EFHB: variants seen among roughly 807,000 people sequenced by gnomAD.
The protein encoded by EFHB is EF-hand domain family member B, also known as EF-hand domain-containing family member B.
EFHB carries 91 observed loss-of-function variants against 87.2 expected under a neutral mutation model. That is an observed-to-expected ratio of 1.04 (90% CI 0.88 to 1.24). EFHB has a LOEUF of 1.24. Ranked by LOEUF, EFHB falls within the 50% of genes most tolerant of loss-of-function variation. The pLI is 0.00. For synonymous variants in EFHB, 325 were observed against 333.6 expected (o/e 0.97, Z 0.28); for missense variants, 1,084 against 998.8 (o/e 1.09, Z -1.15).
At chr3:19,901,015 G>A (rs1310487558) in intron 6 of EFHB, among the ~76,000 whole-genome samples, 3 of 152,056 alleles carry the variant, frequency 2.0e-5, no homozygotes, top group Non-Finnish European at 4.4e-5. Context: ...GAATCAAAAT[G>A]TTCAGTTGTG....
In EFHB at chr3:19,915,377, G is replaced by T. The variant is rs989686377; in HGVS notation, c.1214C>A (p.Ser405Tyr). Residue 405 changes from serine (S) to tyrosine (Y), a missense_variant, in exon 5 of 13, where the codon TCC becomes TAC. By Grantham distance (144) the Ser-to-Tyr change is moderately radical. Transcript: ENST00000295824. ...TCCTTCTTTAAATACTTCTTCATAG[G>T]ATTTTGGTGGATTCACCACATCTTT... ...SAKDVVNPPK[S>Y]YEEVFKEGNE... The T allele has an allele frequency of 3.1e-6, 5 of 1,612,392 alleles. No homozygotes were observed. The African/African-American group carries it at 6.7e-5, about 22-fold the overall frequency.
upstream of EFHB, chr3:19,934,313 C>A: frequency 8.1e-7 from 1 of 1,236,242 alleles, no homozygotes; most frequent in Non-Finnish European, 1.0e-6. Flanking sequence ...CTCTCTCTCT[C>A]TCAATCTCTC....
chr3:19,934,319 C>G (rs1695951055), upstream of EFHB: 3 of 1,031,892 alleles, frequency 2.9e-6, no homozygotes, highest in South Asian at 7.4e-5. Context: ...CTCTCTCAAT[C>G]TCTCTCTCTC....
chr3:19,915,534 C>A, intron 4 of EFHB, 121 bp from the exon 5 acceptor site: 2 of 614,288 alleles, frequency 3.3e-6, no homozygotes, highest in South Asian at 2.2e-5. Flanking sequence ...ATAGACATCC[C>A]GAGAGATCAC....
intron 1 of EFHB, among the ~76,000 whole-genome samples, chr3:19,926,919 C>G (rs1695652005): frequency 6.6e-6 from 1 of 152,112 alleles, no homozygotes. Flanking sequence ...CTCGGCCTCC[C>G]AAAGTGCTGG....
chr3:19,882,830 G>T, intron 11 of EFHB, 99 bp from the exon 12 acceptor site: 1 of 1,085,308 alleles, frequency 9.2e-7, no homozygotes, highest in Non-Finnish European at 1.2e-6. Flanking sequence ...TTAAAATGTA[G>T]CTAGGAAGAA....
In EFHB at chr3:19,908,527, C is replaced by A. The variant is rs553397740; in HGVS notation, c.1289-2778G>T. 3.9e-4 allele frequency among the ~76,000 whole-genome samples: 49 copies of A among 126,554 alleles called. 1 individual carries two copies. The highest frequency in any genetic ancestry group is 3.3e-3 in the Admixed American group (39 of 11,660). The allele number at this position is 126,554 out of a possible 152,430, so 83.0% of individuals were successfully genotyped here. On this transcript the variant is annotated intron_variant, in intron 5 of 12. Coordinates refer to ENST00000295824, the MANE Select transcript of EFHB (RefSeq NM_144715.4). ...CAGCCTGGACGAAAGAGCAAAACTC[C>A]GTCTCAAAAAAAGAAAGAAAGAGAG... is the stretch of plus-strand genomic sequence containing the variant.
chr3:19,888,771 A>T, intron 9 of EFHB, 120 bp from the exon 10 acceptor site: 2 of 852,584 alleles, frequency 2.3e-6, no homozygotes, highest in South Asian at 1.8e-5. Context: ...ATTTGTCTCA[A>T]TTTTCACAGA....
chr3:19,934,078 A>C lies in EFHB; in HGVS notation c.-60T>G. 1 of 1,518,400 alleles carries C rather than the reference A, an allele frequency of 6.6e-7. No homozygotes were observed. Among genetic ancestry groups the C allele is most frequent in the Non-Finnish European group, 8.8e-7 (1 of 1,135,118 alleles). The allele number at this position is 1,518,400 out of a possible 1,614,324, so 94.1% of individuals were successfully genotyped here. A position where few individuals can be genotyped will look rare whatever the true frequency, so the allele number is the denominator to read the frequency against. On this transcript the variant is annotated 5_prime_UTR_variant, in exon 1 of 13. Transcript: ENST00000295824. ...CGCTCATCTCTAAGGGGAAAGCTGT[A>C]CCTGGCTACAAAGACGCCTCCAATC...
At position 19,932,417 on chromosome 3, in the gene EFHB, T is replaced by C. The variant is rs183401398; in HGVS notation, c.789+813A>G. 3.0e-4 allele frequency among the ~76,000 whole-genome samples: 45 copies of C among 152,340 alleles called. No homozygotes were observed. The East Asian group carries it at 7.9e-3, about 27-fold the overall frequency. On this transcript the variant is annotated intron_variant, in intron 1 of 12. Transcript: ENST00000295824. ...CCTTTAGATGTCTTCTACATATTTC[T>C]TCTTCATCTTCATCTCTCAACACCC...
chr3:19,913,632 C>T (rs1173465044), intron 5 of EFHB, among the ~76,000 whole-genome samples: 1 of 152,152 alleles, frequency 6.6e-6, no homozygotes, highest in Non-Finnish European at 1.5e-5. Flanking sequence ...AAGCAATCTA[C>T]AGATTCAATG....
intron 12 of EFHB, among the ~76,000 whole-genome samples, chr3:19,880,318 T>C (rs2071642644): frequency 6.6e-6 from 1 of 151,964 alleles, no homozygotes; most frequent in Non-Finnish European, 1.5e-5. Flanking sequence ...GGTGTGATCT[T>C]GGCTCACTGC....
chr3:19,889,210 C>A (rs138687847), intron 9 of EFHB, among the ~76,000 whole-genome samples: 3 of 152,164 alleles, frequency 2.0e-5, no homozygotes, highest in African/African-American at 7.2e-5. Flanking sequence ...TGAGTATGAA[C>A]AGAGGGAAAT....
intron 11 of EFHB, 79 bp from the exon 12 acceptor site, chr3:19,882,810 T>C (rs2071713772): frequency 3.2e-6 from 4 of 1,250,708 alleles, no homozygotes; most frequent in Admixed American, 2.8e-5. Flanking sequence ...CACATGTGCA[T>C]ACTGAGCACT....
intron 12 of EFHB, among the ~76,000 whole-genome samples, chr3:19,880,911 G>GA (rs150677567): frequency 0.016 from 2,212 of 139,072 alleles, 41 homozygotes; most frequent in African/African-American, 0.05. Flanking sequence ...GAAGCATTCA[G>GA]AAAAAAAAAA....
At chr3:19,919,452 CT>C (rs1349437058) in intron 3 of EFHB, among the ~76,000 whole-genome samples, 1 of 152,052 alleles carries the variant, frequency 6.6e-6, no homozygotes, top group African/African-American at 2.4e-5. Context: ...GCGGATCCCC[CT>C]GCCTCAGCCT....
At chr3:19,919,372 T>C (rs527305102) in intron 3 of EFHB, among the ~76,000 whole-genome samples, 16 of 151,876 alleles carry the variant, frequency 1.1e-4, no homozygotes, top group Admixed American at 3.9e-4. Flanking sequence ...TGCTTTTTTT[T>C]TTTTTTTTAC....
intron 11 of EFHB, among the ~76,000 whole-genome samples, chr3:19,883,934 T>C (rs1009032166): frequency 6.6e-6 from 1 of 152,184 alleles, no homozygotes; most frequent in Non-Finnish European, 1.5e-5. Context: ...TCCAGAACTG[T>C]GAGACAATAA....
chr3:19,886,256 A>C (rs911206495), intron 10 of EFHB, among the ~76,000 whole-genome samples: 1 of 152,220 alleles, frequency 6.6e-6, no homozygotes, highest in African/African-American at 2.4e-5. Context: ...AGTGGATAGA[A>C]TAGAAAGGCT....
Sources: gnomAD v4.1 joint callset for allele counts (sites outside exome capture counted in the v4.1 genomes callset) on GRCh38, gnomAD v4.1.1 for gene constraint, MANE v1.5 for transcripts, NCBI Gene and HGNC (gene_info 2026-07-23, HGNC 2026-07-21) for gene names.